The following IL7R variants were observed in gnomAD, a reference collection of about 807,000 sequenced individuals.
The protein encoded by IL7R is interleukin-7 receptor subunit alpha.
In IL7R, 38 loss-of-function variants were observed where a neutral mutation model predicts 47.0. The observed-to-expected ratio is 0.81, with a 90% CI of 0.62 to 1.06. The LOEUF is 1.06. IL7R is among the 50% of genes least tolerant of loss of function. The pLI is 0.00. For synonymous variants in IL7R, 221 were observed against 199.8 expected (o/e 1.11, Z -0.89); for missense variants, 633 against 534.8 (o/e 1.18, Z -1.81).
chr5:35,865,258 C>T (rs920021377), intron 2 of IL7R, among the ~76,000 whole-genome samples: 8 of 152,086 alleles, frequency 5.3e-5, no homozygotes, highest in Non-Finnish European at 4.4e-5. Flanking sequence ...TGGTTTCCAG[C>T]TTCATCCATG....
chr5:35,866,643 T>G (rs1054674295), intron 2 of IL7R, among the ~76,000 whole-genome samples: 1 of 152,160 alleles, frequency 6.6e-6, no homozygotes, highest in Non-Finnish European at 1.5e-5. Context: ...TTTGTGTTTA[T>G]AAAAACATTT....
At chr5:35,859,204 G>T (rs1759737058) in intron 1 of IL7R, among the ~76,000 whole-genome samples, 1 of 152,174 alleles carries the variant, frequency 6.6e-6, no homozygotes, top group Admixed American at 6.5e-5. Context: ...GGAGTCCTTT[G>T]TTATGTGGGT....
At chr5:35,864,210 C>G (rs1381854040) in intron 2 of IL7R, among the ~76,000 whole-genome samples, 1 of 152,126 alleles carries the variant, frequency 6.6e-6, no homozygotes, top group Non-Finnish European at 1.5e-5. Context: ...CATAGCTCAT[C>G]TTTTCAATTG....
intron 3 of IL7R, chr5:35,867,686 A>G (rs894902485): frequency 1.9e-5 from 12 of 630,262 alleles, no homozygotes; most frequent in African/African-American, 3.7e-5. Flanking sequence ...TGTGAAAGAT[A>G]GTGTTTGTGC....
intron 2 of IL7R, 76 bp downstream of exon 2, chr5:35,861,066 A>G: frequency 7.0e-7 from 1 of 1,430,830 alleles, no homozygotes; most frequent in African/African-American, 1.4e-5. Flanking sequence ...AATAGCCACA[A>G]AAGAAAGAAT....
chr5:35,866,901 CT>C (rs1561421304), intron 2 of IL7R, among the ~76,000 whole-genome samples: 2 of 151,892 alleles, frequency 1.3e-5, no homozygotes, highest in African/African-American at 4.8e-5. Context: ...TTATCATTTT[CT>C]TTAACACTTT....
intron 2 of IL7R, among the ~76,000 whole-genome samples, chr5:35,863,024 T>C (rs1384531564): frequency 6.6e-6 from 1 of 151,934 alleles, no homozygotes; most frequent in Non-Finnish European, 1.5e-5. Flanking sequence ...AAAAATTCGG[T>C]TTTTATTTTT....
At chr5:35,868,894 C>T (rs1273530504) in intron 3 of IL7R, among the ~76,000 whole-genome samples, 1 of 152,160 alleles carries the variant, frequency 6.6e-6, no homozygotes, top group East Asian at 1.9e-4. Flanking sequence ...AATGCACTTG[C>T]AGTCTCCATC....
intron 1 of IL7R, among the ~76,000 whole-genome samples, chr5:35,858,854 A>ACATGTCAGGTAG (rs1759727851): frequency 6.6e-6 from 1 of 152,180 alleles, no homozygotes; most frequent in African/African-American, 2.4e-5. Context: ...CATGTCTTAG[A>ACATGTCAGGTAG]GAAGTTGCCT....
rs10058680 is a variant in IL7R at position 35,867,944 on chromosome 5, A to G, written c.379+481A>G. Among the ~76,000 whole-genome samples, 19,891 of 152,222 alleles carry G rather than the reference A, an allele frequency of 0.13. 1,316 individuals carry two copies. The highest frequency in any genetic ancestry group is 0.14 in the East Asian group (743 of 5,172). ...AAAAAGGGAATCAATAGGAGGATAG[A>G]TAGATAGATCATTGATAGGAGAGAT... is the stretch of plus-strand genomic sequence containing the variant. On this transcript the variant is annotated intron_variant, in intron 3 of 7. Coordinates refer to ENST00000303115, the MANE Select transcript of IL7R (RefSeq NM_002185.5).
At position 35,878,384 on chromosome 5, in the gene IL7R, C is replaced by A; in HGVS notation, c.*1898C>A. Reference sequence around the variant, plus strand: ...TAAAGACACATAAAAGGATGGCATTCTGCCTCATAAATTGCAAAACCTAAT... The same window carrying A: ...TAAAGACACATAAAAGGATGGCATTATGCCTCATAAATTGCAAAACCTAAT... On this transcript the variant is annotated 3_prime_UTR_variant, in exon 8 of 8. Transcript: ENST00000303115. 4.3e-6 allele frequency: 1 copy of A among 229,990 alleles called. No individual in the cohort carries two copies. The highest frequency in any genetic ancestry group is 6.1e-5 in the East Asian group (1 of 16,420). 14.2% of individuals were successfully genotyped at this position (229,990 alleles called of 1,614,324 possible). A position where few individuals can be genotyped will look rare whatever the true frequency, so the allele number is the denominator to read the frequency against.
chr5:35,871,246 A>C (rs914777454), intron 4 of IL7R, 33 bp downstream of exon 4: 10 of 1,561,734 alleles, frequency 6.4e-6, no homozygotes, highest in Non-Finnish European at 7.9e-6. Flanking sequence ...TAAAATAAAA[A>C]CTTATGAATG....
At chr5:35,867,724 C>G in intron 3 of IL7R, 1 of 601,988 alleles carries the variant, frequency 1.7e-6, no homozygotes, top group Non-Finnish European at 2.9e-6. Flanking sequence ...CTAACTGGAG[C>G]TGGGCTTCCT....
intron 3 of IL7R, 100 bp from the exon 4 acceptor site, chr5:35,870,955 CA>C: frequency 1.9e-6 from 2 of 1,059,106 alleles, no homozygotes; most frequent in Non-Finnish European, 1.5e-6. Context: ...TTTACTGACA[CA>C]AAAAGGGTCA....
intron 3 of IL7R, among the ~76,000 whole-genome samples, chr5:35,869,730 G>T (rs1344111571): frequency 6.6e-6 from 1 of 152,124 alleles, no homozygotes; most frequent in Non-Finnish European, 1.5e-5. Flanking sequence ...TGGAGAGCAG[G>T]AACAAGAGAG....
At chr5:35,875,435 C>A in intron 6 of IL7R, 77 bp from the exon 7 acceptor site, 1 of 1,003,386 alleles carries the variant, frequency 1.0e-6, no homozygotes, top group Non-Finnish European at 1.6e-6. Context: ...TGATTCCAAG[C>A]TCAGAATAAG....
In IL7R at chr5:35,876,742, TAA is replaced by T; in HGVS notation, c.*265_*266del. The T allele has an allele frequency of 2.4e-6, 1 of 423,826 alleles. No homozygotes were observed. The allele number at this position is 423,826 out of a possible 1,614,324, so 26.3% of individuals were successfully genotyped here. ...AAGGTGACCCAATGATTCAGCTATT[TAA>T]AAAAAAAAGAGGAAAGAATGAAAGA... On this transcript the variant is annotated 3_prime_UTR_variant, in exon 8 of 8. Coordinates refer to ENST00000303115, the MANE Select transcript of IL7R (RefSeq NM_002185.5).
Position 35,874,531 on chromosome 5 carries a change from A to T in IL7R, c.789A>T (p.Leu263Phe). The T allele has an allele frequency of 6.2e-7, 1 of 1,611,858 alleles. No individual in the cohort carries two copies. ...VALLVILACVLWKKRIKPIVW... is the reference protein window; with the variant it reads ...VALLVILACVFWKKRIKPIVW... ...TGTTGGTCATCTTGGCCTGTGTGTT[A>T]TGGAAAAAAAGGTGACCTTCTTCAA... The change falls in exon 6 of 8, where the codon TTA (leucine) becomes TTT (phenylalanine). Residue 263 changes from leucine to phenylalanine, a missense_variant. Transcript: ENST00000303115.
chr5:35,878,410 G>A lies in IL7R; in HGVS notation c.*1924G>A, dbSNP rs9292618. 0.13 allele frequency: 30,748 copies of A among 232,966 alleles called. 2,066 individuals are homozygous for A. The highest frequency in any genetic ancestry group is 0.15 in the Admixed American group (2,580 of 17,780). The allele number at this position is 232,966 out of a possible 1,614,324, so 14.4% of individuals were successfully genotyped here. ...TGCCTCATAAATTGCAAAACCTAAT[G>A]AAAGTGACTGCTTGGTAAACAAATT... On this transcript the variant is annotated 3_prime_UTR_variant, in exon 8 of 8. Coordinates refer to ENST00000303115, the MANE Select transcript of IL7R (RefSeq NM_002185.5).
Sources: allele counts gnomAD v4.1 joint callset (sites outside exome capture counted in the v4.1 genomes callset), GRCh38; gene constraint gnomAD v4.1.1; transcripts MANE v1.5; gene names NCBI Gene and HGNC (gene_info 2026-07-23, HGNC 2026-07-21).